Variants in KCNMA1 observed in about 807,000 individuals in gnomAD.
The protein encoded by KCNMA1 is potassium calcium-activated channel subfamily M alpha 1.
Under a neutral mutation model 140.0 loss-of-function variants are expected in KCNMA1, and 29 were observed. The ratio of observed to expected loss-of-function variants is 0.21; its 90% CI spans 0.15 to 0.28. The LOEUF (loss-of-function observed/expected upper bound fraction) is 0.28, where lower values mean the gene tolerates loss of function less well. Among genes scored for constraint, KCNMA1 ranks in the 10% least tolerant of loss-of-function variants. The pLI is 1.00. For missense variants in KCNMA1, 880 were observed against 1,602.2 expected (o/e 0.55, Z 7.70); for synonymous variants, 612 against 611.9 (o/e 1.00, Z 0.00).
At chr10:77,053,842 A>C (rs150208008) in intron 14 of KCNMA1, among the ~76,000 whole-genome samples, 20 of 152,320 alleles carry the variant, frequency 1.3e-4, no homozygotes, top group African/African-American at 4.8e-4. Flanking sequence ...TATACGGATA[A>C]TCTTTCAAAA....
At chr10:77,314,302 T>C (rs2080164978) in intron 2 of KCNMA1, among the ~76,000 whole-genome samples, 2 of 152,096 alleles carry the variant, frequency 1.3e-5, no homozygotes, top group South Asian at 4.2e-4. Context: ...TTACAGGAAA[T>C]GAATTTCATC....
At chr10:76,869,661 C>T (rs1439071501) in exon 28 of KCNMA1, 1 of 152,588 alleles carries the variant, frequency 6.6e-6, no homozygotes, top group Admixed American at 6.5e-5. Context: ...AAACCATGTA[C>T]AAGTTATGTA....
At chr10:77,620,185 C>A (rs765719232) in intron 1 of KCNMA1, among the ~76,000 whole-genome samples, 2 of 152,136 alleles carry the variant, frequency 1.3e-5, no homozygotes, top group African/African-American at 2.4e-5. Context: ...TCGACCTCAC[C>A]CAGAACCAGC....
At chr10:77,141,112 C>T (rs76575240) in intron 5 of KCNMA1, among the ~76,000 whole-genome samples, 1,869 of 152,254 alleles carry the variant, frequency 0.012, 40 homozygotes, top group African/African-American at 0.043. Flanking sequence ...AACCCAAATA[C>T]GCAAATCCTC....
At chr10:77,478,768 A>G (rs1298699144) in intron 1 of KCNMA1, among the ~76,000 whole-genome samples, 2 of 152,244 alleles carry the variant, frequency 1.3e-5, no homozygotes, top group African/African-American at 4.8e-5. Flanking sequence ...GAGGTAATGT[A>G]CATAACCCTG....
chr10:77,609,676 AAAC>A (rs2086040289), intron 1 of KCNMA1, among the ~76,000 whole-genome samples: 1 of 152,252 alleles, frequency 6.6e-6, no homozygotes, highest in African/African-American at 2.4e-5. Context: ...ACATATTTCA[AAAC>A]AACATGTTGT....
chr10:76,950,517 C>A (rs12218921), intron 21 of KCNMA1, among the ~76,000 whole-genome samples: 1 of 152,056 alleles, frequency 6.6e-6, no homozygotes. Flanking sequence ...GGAGGCCAGC[C>A]GTGGACCTTT....
At chr10:77,473,442 GA>G (rs2098211214) in intron 1 of KCNMA1, among the ~76,000 whole-genome samples, 2 of 152,252 alleles carry the variant, frequency 1.3e-5, no homozygotes, top group South Asian at 2.1e-4. Flanking sequence ...GGCCTGAAGA[GA>G]GTGGCCCAGT....
intron 2 of KCNMA1, among the ~76,000 whole-genome samples, chr10:77,332,142 A>G (rs1486062599): frequency 6.6e-6 from 1 of 152,160 alleles, no homozygotes; most frequent in Non-Finnish European, 1.5e-5. Flanking sequence ...TAGGCTGAGT[A>G]CGCAGGGGTA....
intron 25 of KCNMA1, among the ~76,000 whole-genome samples, chr10:76,909,547 C>T (rs1300742647): frequency 6.6e-6 from 1 of 152,214 alleles, no homozygotes; most frequent in African/African-American, 2.4e-5. Flanking sequence ...TCCAGCCTCA[C>T]AGGGTTTCTT....
intron 17 of KCNMA1, among the ~76,000 whole-genome samples, chr10:77,013,172 T>C (rs932667551): frequency 6.6e-6 from 1 of 152,210 alleles, no homozygotes; most frequent in African/African-American, 2.4e-5. Flanking sequence ...CAGGACTTGA[T>C]TTATAATTGG....
At position 77,120,955 on chromosome 10, in the gene KCNMA1, T is replaced by C. The variant is rs924962336; in HGVS notation, c.884+18A>G. The C allele has an allele frequency of 4.7e-6, 7 of 1,490,526 alleles. 1 individual carries two copies. In the Admixed American group the frequency reaches 6.7e-5, roughly 14 times the overall value. The allele number at this position is 1,490,526 out of a possible 1,614,324, so 92.3% of individuals were successfully genotyped here. A position where few individuals can be genotyped will look rare whatever the true frequency, so the allele number is the denominator to read the frequency against. ...ATAGGGGACTGGAATGAAAAAAATA[T>C]GACGAAGAACATCTTACCTTGTTTT... On this transcript the variant is annotated intron_variant, in intron 6 of 27. Coordinates refer to ENST00000286628, the MANE Select transcript of KCNMA1 (RefSeq NM_001161352.2).
chr10:77,037,912 C>T (rs1247755), intron 15 of KCNMA1, among the ~76,000 whole-genome samples: 1 of 151,956 alleles, frequency 6.6e-6, no homozygotes, highest in African/African-American at 2.4e-5. Flanking sequence ...CCTCTGAATG[C>T]TTAACTCCTC....
At chr10:77,150,903 G>C (rs2098405257) in intron 5 of KCNMA1, among the ~76,000 whole-genome samples, 1 of 152,182 alleles carries the variant, frequency 6.6e-6, no homozygotes, top group African/African-American at 2.4e-5. Context: ...AGAAGGAAGG[G>C]AGGAAGAAGG....
At chr10:77,508,660 C>T (rs1173489773) in intron 1 of KCNMA1, among the ~76,000 whole-genome samples, 13 of 137,252 alleles carry the variant, frequency 9.5e-5, no homozygotes, top group Admixed American at 2.4e-4. Flanking sequence ...GATCTCACTA[C>T]GTTGCCTAGG....
At chr10:77,321,290 A>G (rs1044627908) in intron 2 of KCNMA1, among the ~76,000 whole-genome samples, 1 of 152,314 alleles carries the variant, frequency 6.6e-6, no homozygotes, top group South Asian at 2.1e-4. Flanking sequence ...TCCCCTAAAT[A>G]CAGCTCCAAA....
At chr10:76,921,976 A>G (rs565159515) in intron 23 of KCNMA1, among the ~76,000 whole-genome samples, 2 of 152,304 alleles carry the variant, frequency 1.3e-5, no homozygotes, top group African/African-American at 4.8e-5. Flanking sequence ...CTTCTCCTGA[A>G]ACTCCCCAAA....
chr10:77,058,266 A>G (rs1241672886), intron 14 of KCNMA1, among the ~76,000 whole-genome samples: 2 of 152,076 alleles, frequency 1.3e-5, no homozygotes, highest in Non-Finnish European at 2.9e-5. Context: ...AACACACACA[A>G]AGCAAAACCT....
intron 1 of KCNMA1, among the ~76,000 whole-genome samples, chr10:77,539,546 G>A (rs2059697189): frequency 6.6e-6 from 1 of 152,136 alleles, no homozygotes; most frequent in Admixed American, 6.5e-5. Flanking sequence ...ACCCAGCTCT[G>A]GCAGGGCCCC....
Sources: allele counts gnomAD v4.1 joint callset (sites outside exome capture counted in the v4.1 genomes callset), GRCh38; gene constraint gnomAD v4.1.1; transcripts MANE v1.5; gene names NCBI Gene and HGNC (gene_info 2026-07-23, HGNC 2026-07-21).